The following NTNG1 variants were observed in gnomAD, a reference collection of about 807,000 sequenced individuals.
NTNG1 encodes the protein netrin-G1.
NTNG1 carries 16 observed loss-of-function variants against 54.0 expected under a neutral mutation model. The observed-to-expected ratio is 0.30, with a 90% confidence interval of 0.20 to 0.45. The LOEUF (loss-of-function observed/expected upper bound fraction) is 0.45, where lower values mean the gene tolerates loss of function less well. NTNG1 is among the 20% of genes least tolerant of loss of function. The pLI is 1.00. For synonymous variants in NTNG1, 255 were observed against 263.1 expected, an observed-to-expected ratio of 0.97 and a Z score of 0.30; for missense variants, 530 against 678.7, an observed-to-expected ratio of 0.78 and a Z score of 2.43.
chr1:107,357,568 T>C lies in NTNG1; in HGVS notation c.887+32646T>C, dbSNP rs141778508. Among the ~76,000 whole-genome samples the C allele has an allele frequency of 6.9e-3, 1,045 of 152,292 alleles. 12 individuals carry two copies. The highest frequency in any genetic ancestry group is 0.021 in the African/African-American group (855 of 41,562). On this transcript the variant is annotated intron_variant, in intron 3 of 7. Coordinates refer to ENST00000370068, the MANE Select transcript of NTNG1 (RefSeq NM_001113226.3). ...TTCATTCTTTACTTGGCTGATCTGA[T>C]AGAAATAGTTGAGAAATGGCCAGAA...
intron 4 of NTNG1, among the ~76,000 whole-genome samples, chr1:107,400,024 T>C (rs2101109689): frequency 6.6e-6 from 1 of 152,296 alleles, no homozygotes. Flanking sequence ...CCTATTCTTG[T>C]GGTTTTAGAT....
intron 3 of NTNG1, among the ~76,000 whole-genome samples, chr1:107,367,177 A>G (rs912023569): frequency 6.6e-6 from 1 of 152,106 alleles, no homozygotes; most frequent in Admixed American, 6.6e-5. Flanking sequence ...TACAGATATA[A>G]CAGGCAAAGG....
rs74718307 is a variant in NTNG1, at chr1:107,399,377, T to A, written c.1060+4051T>A. On this transcript the variant is annotated intron_variant, in intron 4 of 7. Coordinates refer to ENST00000370068, the MANE Select transcript of NTNG1 (RefSeq NM_001113226.3). ...TTTTCTCTTACCCACATGGTCTAAT[T>A]GTCTTCAAAGAAAGAAAATCAAATT... 0.012 allele frequency among the ~76,000 whole-genome samples: 1,815 copies of A among 152,286 alleles called. 91 individuals carry two copies. The East Asian group carries it at 0.18, about 15-fold the overall frequency.
chr1:107,155,006 C>T (rs573473715), intron 2 of NTNG1, among the ~76,000 whole-genome samples: 1 of 152,096 alleles, frequency 6.6e-6, no homozygotes, highest in South Asian at 2.1e-4. Context: ...CTCCTTCAGT[C>T]CCCCTGGAGA....
At chr1:107,294,470 G>A (rs922357039) in intron 2 of NTNG1, among the ~76,000 whole-genome samples, 1 of 152,098 alleles carries the variant, frequency 6.6e-6, no homozygotes, top group African/African-American at 2.4e-5. Context: ...GAATAGAAAG[G>A]AGCAAATTAC....
intron 3 of NTNG1, among the ~76,000 whole-genome samples, chr1:107,350,994 C>A (rs1046947080): frequency 6.6e-6 from 1 of 152,098 alleles, no homozygotes; most frequent in African/African-American, 2.4e-5. Flanking sequence ...AATGTTCTCC[C>A]CACACACACA....
chr1:107,451,758 G>C (rs1676641099), intron 7 of NTNG1, among the ~76,000 whole-genome samples: 1 of 152,134 alleles, frequency 6.6e-6, no homozygotes, highest in South Asian at 2.1e-4. Context: ...AACATTTATT[G>C]ACTGTTTGAA....
chr1:107,457,274 G>T (rs1362464315), intron 7 of NTNG1, among the ~76,000 whole-genome samples: 1 of 152,166 alleles, frequency 6.6e-6, no homozygotes, highest in African/African-American at 2.4e-5. Flanking sequence ...ATGAATTTCT[G>T]GCTCTTTTGG....
intron 2 of NTNG1, among the ~76,000 whole-genome samples, chr1:107,299,914 T>C (rs114259729): frequency 0.01 from 1,576 of 152,204 alleles, 28 homozygotes; most frequent in African/African-American, 0.036. Context: ...GGAAGCAAAA[T>C]TGAAGAAAAC....
intron 5 of NTNG1, among the ~76,000 whole-genome samples, chr1:107,417,572 T>C (rs1674303362): frequency 6.6e-6 from 1 of 152,054 alleles, no homozygotes; most frequent in Non-Finnish European, 1.5e-5. Flanking sequence ...CAATTTTAAC[T>C]GGCAATATTA....
intron 2 of NTNG1, among the ~76,000 whole-genome samples, chr1:107,204,134 GT>G (rs2101316003): frequency 6.6e-6 from 1 of 151,640 alleles, no homozygotes; most frequent in African/African-American, 2.4e-5. Flanking sequence ...GTTTTGTTTT[GT>G]TTTGTTTTTC....
Position 107,185,427 on chromosome 1 carries a change from C to T in NTNG1, c.246+36588C>T, listed in dbSNP as rs576894736. Among the ~76,000 whole-genome samples the T allele has an allele frequency of 1.6e-4, 24 of 151,910 alleles. No individual in the cohort carries two copies. The East Asian group carries it at 1.7e-3, about 11-fold the overall frequency. On this transcript the variant is annotated intron_variant, in intron 2 of 7. Coordinates refer to ENST00000370068, the MANE Select transcript of NTNG1 (RefSeq NM_001113226.3). ...AATCTCTGCCTTCCTTATCTTTACACGGCCTTCTTCACTCTGTGTGTGTCT... is the reference window on the plus strand; with the variant it reads ...AATCTCTGCCTTCCTTATCTTTACATGGCCTTCTTCACTCTGTGTGTGTCT...
At chr1:107,197,417 G>T (rs1557801160) in intron 2 of NTNG1, among the ~76,000 whole-genome samples, 1 of 151,996 alleles carries the variant, frequency 6.6e-6, no homozygotes, top group Non-Finnish European at 1.5e-5. Context: ...TGTGGCAGAT[G>T]AAGCAATTTT....
At chr1:107,212,405 C>T (rs1425613276) in intron 2 of NTNG1, among the ~76,000 whole-genome samples, 1 of 152,062 alleles carries the variant, frequency 6.6e-6, no homozygotes, top group Non-Finnish European at 1.5e-5. Flanking sequence ...TTTGAAATGA[C>T]TCCCGGAAAG....
At chr1:107,224,173 A>G (rs967486176) in intron 2 of NTNG1, among the ~76,000 whole-genome samples, 2 of 152,124 alleles carry the variant, frequency 1.3e-5, no homozygotes, top group African/African-American at 2.4e-5. Context: ...GAGAGGATGA[A>G]TGGATCATTG....
At chr1:107,417,958 A>C (rs1674326969) in intron 5 of NTNG1, among the ~76,000 whole-genome samples, 1 of 152,070 alleles carries the variant, frequency 6.6e-6, no homozygotes, top group African/African-American at 2.4e-5. Context: ...AGGTAAAGGC[A>C]TCATGAAAAC....
intron 5 of NTNG1, among the ~76,000 whole-genome samples, chr1:107,422,531 A>G (rs1258143891): frequency 6.6e-6 from 1 of 152,110 alleles, no homozygotes; most frequent in East Asian, 1.9e-4. Context: ...TAGACTTACC[A>G]GAGACAAATT....
chr1:107,448,309 G>A (rs1375420977), intron 7 of NTNG1, among the ~76,000 whole-genome samples: 1 of 152,064 alleles, frequency 6.6e-6, no homozygotes, highest in Non-Finnish European at 1.5e-5. Flanking sequence ...CAGGCACTAT[G>A]CCAAGCCATT....
At position 107,484,150 on chromosome 1, in the gene NTNG1, T is replaced by C. The variant is rs568198584; in HGVS notation, c.*3310T>C. Among the ~76,000 whole-genome samples the C allele has an allele frequency of 2.0e-5, 3 of 152,020 alleles. No homozygotes were observed. On this transcript the variant is annotated 3_prime_UTR_variant, in exon 8 of 8. Coordinates refer to ENST00000370068, the MANE Select transcript of NTNG1 (RefSeq NM_001113226.3). ...CCTGGGCACAGGGAGTGGCAAAGGG[T>C]GCATCTGTGTGGATGGATTAGGCCC...
Sources: allele counts gnomAD v4.1 joint callset (sites outside exome capture counted in the v4.1 genomes callset), GRCh38; gene constraint gnomAD v4.1.1; transcripts MANE v1.5; gene names NCBI Gene and HGNC (gene_info 2026-07-23, HGNC 2026-07-21).